The following NRXN3 variants were observed in gnomAD, a reference collection of about 807,000 sequenced individuals.
NRXN3 encodes the protein neurexin 3.
In NRXN3, 32 loss-of-function variants were observed where a neutral mutation model predicts 137.6. The observed-to-expected ratio is 0.23, with a 90% CI of 0.18 to 0.31. NRXN3 has a LOEUF of 0.31. Among genes scored for constraint, NRXN3 ranks in the 10% least tolerant of loss-of-function variants. The probability of loss-of-function intolerance (pLI) is 1.00; values close to 1 mark genes in which losing one functional copy is unlikely to be tolerated. For synonymous variants in NRXN3, 798 were observed against 784.5 expected (o/e 1.02, Z -0.29); for missense variants, 1,574 against 2,062.5 (o/e 0.76, Z 4.59).
intron 19 of NRXN3, among the ~76,000 whole-genome samples, chr14:79,706,742 C>T (rs1199643493): frequency 1.3e-5 from 2 of 152,142 alleles, no homozygotes; most frequent in Non-Finnish European, 2.9e-5. Flanking sequence ...TATGCTGCTT[C>T]AGCACAAAGA....
chr14:78,896,310 C>T (rs903311041), intron 10 of NRXN3, among the ~76,000 whole-genome samples: 1 of 151,898 alleles, frequency 6.6e-6, no homozygotes, highest in Admixed American at 6.6e-5. Flanking sequence ...TTGATGTCCA[C>T]TAGGGAAAGT....
chr14:78,228,856 G>A (rs575255725), intron 1 of NRXN3, among the ~76,000 whole-genome samples: 3 of 152,220 alleles, frequency 2.0e-5, no homozygotes, highest in East Asian at 1.9e-4. Flanking sequence ...CCTTTCATGC[G>A]GACGGTGATA....
chr14:79,264,522 A>ATGTGTGTGTGTGTG (rs34099529), intron 15 of NRXN3, among the ~76,000 whole-genome samples: 4 of 145,296 alleles, frequency 2.8e-5, no homozygotes, highest in African/African-American at 7.6e-5. Context: ...TGTTTACATG[A>ATGTGTGTGTGTGTG]TGTGTGTGTG....
At chr14:78,896,098 G>A (rs2099173655) in intron 10 of NRXN3, among the ~76,000 whole-genome samples, 1 of 151,844 alleles carries the variant, frequency 6.6e-6, no homozygotes, top group South Asian at 2.1e-4. Context: ...TCAACCAACG[G>A]TTGCCCCAAA....
At chr14:78,750,368 GA>G (rs760734045) in intron 8 of NRXN3, among the ~76,000 whole-genome samples, 1 of 152,166 alleles carries the variant, frequency 6.6e-6, no homozygotes, top group Non-Finnish European at 1.5e-5. Context: ...AAGTTTGGAG[GA>G]AGTCGCAAAC....
chr14:79,105,287 C>A (rs539965315), intron 15 of NRXN3, among the ~76,000 whole-genome samples: 2 of 152,040 alleles, frequency 1.3e-5, no homozygotes, highest in Non-Finnish European at 1.5e-5. Flanking sequence ...CTCTACAAAC[C>A]ATCTCAAGCC....
chr14:79,191,034 T>C (rs7157541), intron 15 of NRXN3, among the ~76,000 whole-genome samples: 151,806 of 152,294 alleles, frequency 1, 75,663 homozygotes, highest in Non-Finnish European at 1. Flanking sequence ...TTGGTTATGG[T>C]AACTAAAAGC....
At chr14:78,174,665 A>G (rs2059090972) in intron 1 of NRXN3, among the ~76,000 whole-genome samples, 2 of 152,136 alleles carry the variant, frequency 1.3e-5, no homozygotes, top group South Asian at 4.2e-4. Context: ...ATCCAGCCTC[A>G]TACGGTGGCT....
chr14:79,062,037 T>A (rs752631719), intron 15 of NRXN3, among the ~76,000 whole-genome samples: 4 of 152,234 alleles, frequency 2.6e-5, no homozygotes, highest in Non-Finnish European at 5.9e-5. Flanking sequence ...TACTGAAGCA[T>A]GTTCATTTAT....
chr14:78,363,206 T>C (rs577883979), intron 4 of NRXN3, among the ~76,000 whole-genome samples: 1 of 152,288 alleles, frequency 6.6e-6, no homozygotes, highest in African/African-American at 2.4e-5. Flanking sequence ...CTTGGCAAAG[T>C]CTTGCAGGGC....
At chr14:78,317,855 A>T (rs2078892529) in intron 4 of NRXN3, among the ~76,000 whole-genome samples, 1 of 152,170 alleles carries the variant, frequency 6.6e-6, no homozygotes, top group African/African-American at 2.4e-5. Flanking sequence ...AAAGATCATA[A>T]TTTCACCTAA....
chr14:79,601,668 A>G (rs2097923466), intron 16 of NRXN3, among the ~76,000 whole-genome samples: 1 of 152,166 alleles, frequency 6.6e-6, no homozygotes, highest in South Asian at 2.1e-4. Context: ...AGATCTAGAC[A>G]TCATATCGCC....
At chr14:79,640,250 C>A (rs1168415481) in intron 16 of NRXN3, among the ~76,000 whole-genome samples, 3 of 135,310 alleles carry the variant, frequency 2.2e-5, no homozygotes, top group African/African-American at 7.4e-5. Context: ...GAACATTCTG[C>A]AGATTGTTAG....
At chr14:78,382,084 A>G in intron 4 of NRXN3, among the ~76,000 whole-genome samples, 1 of 152,194 alleles carries the variant, frequency 6.6e-6, no homozygotes, top group East Asian at 1.9e-4. Context: ...GAGACTGGAT[A>G]AAGGATCCTT....
intron 17 of NRXN3, among the ~76,000 whole-genome samples, chr14:79,666,582 A>G (rs1464423287): frequency 6.6e-6 from 1 of 152,210 alleles, no homozygotes; most frequent in Admixed American, 6.5e-5. Flanking sequence ...AGGAAGACCT[A>G]GGACAAGATT....
intron 2 of NRXN3, among the ~76,000 whole-genome samples, chr14:78,251,963 C>G (rs531908398): frequency 6.6e-6 from 1 of 152,080 alleles, no homozygotes; most frequent in East Asian, 1.9e-4. Flanking sequence ...AGGCCTGTCT[C>G]CCTGGTCTAT....
At chr14:79,551,398 A>C (rs2097371361) in intron 16 of NRXN3, among the ~76,000 whole-genome samples, 1 of 152,174 alleles carries the variant, frequency 6.6e-6, no homozygotes, top group Non-Finnish European at 1.5e-5. Context: ...TTTGTCTCCC[A>C]CTAGGACCAG....
In NRXN3 at chr14:79,861,569, G is replaced by C. The variant is rs1290955575; in HGVS notation, c.4321G>C (p.Val1441Leu). ...NRDLKPQPDI[V>L]LLPLPTAYEL... ...TGATCTCAAACCCCAGCCTGATATA[G>C]TCTTGCTTCCGTTGCCCACTGCCTA... is the stretch of plus-strand genomic sequence containing the variant. The change falls in exon 21 of 21, where the codon GTC becomes CTC. Residue 1441 changes from valine (V) to leucine (L), a missense_variant. This residue lies in a region of NRXN3 where 320 missense variants were observed against 387.1 expected (regional missense o/e 0.83). Coordinates refer to ENST00000335750, the MANE Select transcript of NRXN3 (RefSeq NM_001330195.2). The surrounding 1 kb of genome is among the most constrained non-coding windows in gnomAD (Gnocchi z 5.4). The C allele has an allele frequency of 6.3e-7, 1 of 1,595,802 alleles. No homozygotes were observed. The highest frequency in any genetic ancestry group is 1.3e-5 in the African/African-American group (1 of 74,510).
At chr14:78,396,012 C>G (rs1355050937) in intron 4 of NRXN3, among the ~76,000 whole-genome samples, 1 of 151,904 alleles carries the variant, frequency 6.6e-6, no homozygotes, top group East Asian at 1.9e-4. Context: ...TGTAAGTCTA[C>G]TATTTCATTG....
Sources: allele counts gnomAD v4.1 joint callset (sites outside exome capture counted in the v4.1 genomes callset), GRCh38; gene constraint gnomAD v4.1.1; regional missense constraint gnomAD v4.1.1; non-coding constraint Gnocchi (gnomAD v3.1); transcripts MANE v1.5; gene names NCBI Gene and HGNC (gene_info 2026-07-23, HGNC 2026-07-21).